The following LARGE1 variants were observed in gnomAD, a reference collection of about 807,000 sequenced individuals.
LARGE1 encodes the protein xylosyl- and glucuronyltransferase LARGE1.
LARGE1 carries 43 observed loss-of-function variants against 87.6 expected under a neutral mutation model. That is an observed-to-expected ratio of 0.49 (90% CI 0.38 to 0.63). The LOEUF is 0.63. Among genes scored for constraint, LARGE1 ranks in the 30% least tolerant of loss-of-function variants. The pLI is 0.00. For missense variants in LARGE1, 802 were observed against 1,000.2 expected, an observed-to-expected ratio of 0.80 and a Z score of 2.67; for synonymous variants, 434 against 394.6, an observed-to-expected ratio of 1.10 and a Z score of -1.18.
At chr22:33,481,651 G>C (rs542539027) in intron 6 of LARGE1, among the ~76,000 whole-genome samples, 4 of 152,130 alleles carry the variant, frequency 2.6e-5, no homozygotes, top group Non-Finnish European at 5.9e-5. Context: ...TAATTTTTCT[G>C]TTGGATGAGC....
chr22:33,356,852 C>T (rs1311827173), intron 9 of LARGE1, among the ~76,000 whole-genome samples: 2 of 152,034 alleles, frequency 1.3e-5, no homozygotes, highest in East Asian at 1.9e-4. Flanking sequence ...AGGAAGAGTG[C>T]CTTTTTATGT....
intron 4 of LARGE1, among the ~76,000 whole-genome samples, chr22:33,621,228 A>G (rs930446142): frequency 7.9e-5 from 12 of 152,342 alleles, no homozygotes; most frequent in Middle Eastern, 3.4e-3. Flanking sequence ...TTATAATTAT[A>G]AAGCAATATT....
At chr22:33,802,327 G>C (rs2086186917) in intron 1 of LARGE1, among the ~76,000 whole-genome samples, 1 of 152,164 alleles carries the variant, frequency 6.6e-6, no homozygotes, top group African/African-American at 2.4e-5. Flanking sequence ...ACTTAGAGAA[G>C]AGCTCTTAGG....
At chr22:33,413,226 G>A (rs964320263) in intron 7 of LARGE1, among the ~76,000 whole-genome samples, 2 of 152,054 alleles carry the variant, frequency 1.3e-5, no homozygotes, top group African/African-American at 4.8e-5. Context: ...GTCTATAGTG[G>A]AGTTTTAAAG....
At chr22:33,763,623 T>C (rs886692786) in intron 1 of LARGE1, among the ~76,000 whole-genome samples, 4 of 152,164 alleles carry the variant, frequency 2.6e-5, no homozygotes, top group Non-Finnish European at 4.4e-5. Context: ...GCCCAGATGC[T>C]GCACTTGACT....
chr22:33,623,170 C>T (rs979748832), intron 4 of LARGE1, among the ~76,000 whole-genome samples: 7 of 149,638 alleles, frequency 4.7e-5, no homozygotes, highest in South Asian at 4.2e-4. Flanking sequence ...AGGGAGAGAC[C>T]TGATACGTCA....
intron 4 of LARGE1, among the ~76,000 whole-genome samples, chr22:33,612,919 C>G (rs1177933514): frequency 6.6e-6 from 1 of 152,206 alleles, no homozygotes; most frequent in Non-Finnish European, 1.5e-5. Context: ...GGGGCTTCCT[C>G]CTTCAATCTT....
chr22:33,732,090 A>G (rs1569413146), intron 2 of LARGE1, among the ~76,000 whole-genome samples: 1 of 152,190 alleles, frequency 6.6e-6, no homozygotes, highest in African/African-American at 2.4e-5. Flanking sequence ...GGGCTTACGG[A>G]AACAACAAGA....
intron 1 of LARGE1, among the ~76,000 whole-genome samples, chr22:33,861,068 G>A (rs560368209): frequency 2.6e-5 from 4 of 152,230 alleles, no homozygotes; most frequent in African/African-American, 7.2e-5. Flanking sequence ...GTAACGAAGC[G>A]GCATCGCCCA....
intron 6 of LARGE1, among the ~76,000 whole-genome samples, chr22:33,529,006 G>T (rs2072059610): frequency 6.6e-6 from 1 of 152,144 alleles, no homozygotes; most frequent in African/African-American, 2.4e-5. Context: ...TTATAGGAGA[G>T]AAACTCATCA....
chr22:33,518,528 C>G (rs141900003), intron 6 of LARGE1, among the ~76,000 whole-genome samples: 1 of 152,178 alleles, frequency 6.6e-6, no homozygotes, highest in Non-Finnish European at 1.5e-5. Context: ...AGGCTGATCT[C>G]GAACTCCTGA....
chr22:33,336,036 T>C (rs1253557847), intron 10 of LARGE1, among the ~76,000 whole-genome samples: 1 of 152,162 alleles, frequency 6.6e-6, no homozygotes, highest in Non-Finnish European at 1.5e-5. Flanking sequence ...TCAGTAAATG[T>C]TTGCTGCCTA....
the LARGE1 span, among the ~76,000 whole-genome samples, chr22:33,087,660 C>T: frequency 3.9e-5 from 6 of 152,222 alleles, no homozygotes; most frequent in Admixed American, 2.0e-4. Flanking sequence ...TTAGGCCGGG[C>T]GTGGTGGCTC....
At chr22:33,746,659 C>T (rs7291066) in intron 2 of LARGE1, among the ~76,000 whole-genome samples, 142 of 152,300 alleles carry the variant, frequency 9.3e-4, no homozygotes, top group African/African-American at 3.3e-3. Flanking sequence ...TGCAATTCAA[C>T]ATAATAAATG....
At chr22:33,460,246 T>C (rs917160386) in intron 6 of LARGE1, among the ~76,000 whole-genome samples, 2 of 152,198 alleles carry the variant, frequency 1.3e-5, no homozygotes, top group African/African-American at 4.8e-5. Context: ...CATGTCTTCA[T>C]TATAATAATT....
chr22:33,153,922 T>C, the LARGE1 span, among the ~76,000 whole-genome samples: 1 of 152,182 alleles, frequency 6.6e-6, no homozygotes, highest in South Asian at 2.1e-4. Flanking sequence ...ACCATCATTC[T>C]CTAAGTTTGG....
At chr22:33,110,851 G>C in the LARGE1 span, among the ~76,000 whole-genome samples, 1 of 152,132 alleles carries the variant, frequency 6.6e-6, no homozygotes, top group Non-Finnish European at 1.5e-5. Context: ...ATGGTGGTTT[G>C]AGTCATTGCT....
the LARGE1 span, among the ~76,000 whole-genome samples, chr22:33,123,881 G>C: frequency 2.6e-5 from 4 of 152,216 alleles, no homozygotes; most frequent in South Asian, 6.2e-4. Flanking sequence ...GCTTGGGTGG[G>C]CTTGGCTGCT....
chr22:33,481,658 G>A (rs1341395616), intron 6 of LARGE1, among the ~76,000 whole-genome samples: 1 of 152,164 alleles, frequency 6.6e-6, no homozygotes, highest in African/African-American at 2.4e-5. Context: ...TCTGTTGGAT[G>A]AGCAGAGATT....
Sources: gnomAD v4.1 joint callset for allele counts (sites outside exome capture counted in the v4.1 genomes callset) on GRCh38, gnomAD v4.1.1 for gene constraint, MANE v1.5 for transcripts, NCBI Gene and HGNC (gene_info 2026-07-23, HGNC 2026-07-21) for gene names.